FRMD4A: variants seen among roughly 807,000 people sequenced by gnomAD.
FRMD4A encodes the protein FERM domain-containing protein 4A.
In FRMD4A, 29 loss-of-function variants were observed where a neutral mutation model predicts 129.1. The observed-to-expected ratio is 0.22, with a 90% confidence interval of 0.17 to 0.31. FRMD4A has a LOEUF of 0.31. Ranked by LOEUF, FRMD4A falls within the 10% of genes least tolerant of loss-of-function variation. FRMD4A has a pLI of 1.00. For missense variants in FRMD4A, 1,272 were observed against 1,375.8 expected (o/e 0.92, Z 1.19); for synonymous variants, 634 against 571.6 (o/e 1.11, Z -1.56).
At chr10:14,253,532 T>A (rs1473142016) in intron 2 of FRMD4A, among the ~76,000 whole-genome samples, 1 of 152,220 alleles carries the variant, frequency 6.6e-6, no homozygotes, top group Non-Finnish European at 1.5e-5. Context: ...GGACAGATCG[T>A]TATAGCTTTA....
chr10:14,304,062 C>CT (rs761748841), intron 2 of FRMD4A, among the ~76,000 whole-genome samples: 19 of 152,266 alleles, frequency 1.2e-4, no homozygotes, highest in Non-Finnish European at 2.1e-4. Context: ...TTGCTTCTGC[C>CT]TTTTGGCCAC....
intron 6 of FRMD4A, among the ~76,000 whole-genome samples, chr10:13,773,398 C>G (rs76655334): frequency 0.014 from 2,202 of 152,300 alleles, 28 homozygotes; most frequent in South Asian, 0.041. Context: ...TTGGATGATA[C>G]TGATGGTGCA....
At chr10:13,763,276 C>T (rs151306578) in intron 6 of FRMD4A, among the ~76,000 whole-genome samples, 32 of 152,260 alleles carry the variant, frequency 2.1e-4, no homozygotes, top group African/African-American at 6.7e-4. Context: ...TGCTTGACAA[C>T]AAAATGCATT....
intron 12 of FRMD4A, among the ~76,000 whole-genome samples, chr10:13,718,663 C>T (rs187347484): frequency 6.6e-6 from 1 of 152,222 alleles, no homozygotes; most frequent in Non-Finnish European, 1.5e-5. Flanking sequence ...CTTGGGGAAA[C>T]TGAATTGTGG....
intron 3 of FRMD4A, among the ~76,000 whole-genome samples, chr10:13,813,507 G>A (rs2093484492): frequency 7.9e-5 from 12 of 152,206 alleles, no homozygotes; most frequent in Admixed American, 6.5e-4. Flanking sequence ...ATCGTGGTAA[G>A]CTCATTGGAA....
chr10:13,843,365 T>C (rs565606571), intron 3 of FRMD4A, among the ~76,000 whole-genome samples: 2 of 152,224 alleles, frequency 1.3e-5, no homozygotes, highest in African/African-American at 4.8e-5. Context: ...TGAGTGTGAG[T>C]GACTGCTTCA....
At position 13,670,483 on chromosome 10, in the gene FRMD4A, C is replaced by T; in HGVS notation, c.1297G>A (p.Glu433Lys). Reference sequence around the variant, plus strand: ...CTTCTCCGAACAATGGGTGGTTCCTCCCCTGGATCCAGGGGATATTCTACT... The same window carrying T: ...CTTCTCCGAACAATGGGTGGTTCCTTCCCTGGATCCAGGGGATATTCTACT... ...LPVEYPLDPGEEPPIVRRRIG... is the reference protein window; with the variant it reads ...LPVEYPLDPGKEPPIVRRRIG... The change falls in exon 17 of 25, where the codon GAG (glutamate) becomes AAG (lysine). Residue 433 changes from glutamate (E) to lysine (K), a missense_variant. This residue lies in a region of FRMD4A where 972 missense variants were observed against 892.3 expected (regional missense o/e 1.09). Transcript: ENST00000357447. The T allele has an allele frequency of 6.2e-7, 1 of 1,613,320 alleles. No homozygotes were observed. Among genetic ancestry groups the T allele is most frequent in the Non-Finnish European group, 8.5e-7 (1 of 1,179,460 alleles).
chr10:14,256,667 T>C (rs1012848014), intron 2 of FRMD4A, among the ~76,000 whole-genome samples: 1 of 152,156 alleles, frequency 6.6e-6, no homozygotes, highest in African/African-American at 2.4e-5. Flanking sequence ...AGAGAAATTA[T>C]TCCACAAACG....
intron 12 of FRMD4A, among the ~76,000 whole-genome samples, chr10:13,717,615 AAT>A (rs1491366174): frequency 1.7e-4 from 7 of 41,964 alleles, no homozygotes; most frequent in East Asian, 7.7e-4. Flanking sequence ...CACCCGGCTA[AAT>A]TTTTTTTTTT....
At chr10:13,655,261 T>C (rs2082041855) in intron 22 of FRMD4A, 1 of 152,198 alleles carries the variant, frequency 6.6e-6, no homozygotes, top group African/African-American at 2.4e-5. Context: ...TTCCAAAAGA[T>C]CTACCTCATC....
intron 2 of FRMD4A, among the ~76,000 whole-genome samples, chr10:14,009,003 G>A (rs140880816): frequency 1.3e-5 from 2 of 152,264 alleles, no homozygotes; most frequent in African/African-American, 4.8e-5. Flanking sequence ...TTAAATGTTT[G>A]TGTTATAGAA....
intron 12 of FRMD4A, among the ~76,000 whole-genome samples, chr10:13,725,700 AG>A (rs1192487165): frequency 6.6e-6 from 1 of 152,202 alleles, no homozygotes; most frequent in East Asian, 1.9e-4. Flanking sequence ...GTGGGAACCG[AG>A]GAACCCTGGC....
intron 2 of FRMD4A, among the ~76,000 whole-genome samples, chr10:14,300,698 A>C (rs1247302360): frequency 6.6e-6 from 1 of 152,246 alleles, no homozygotes; most frequent in Admixed American, 6.5e-5. Context: ...AATGTTTATG[A>C]TGTTGTGAAA....
intron 4 of FRMD4A, among the ~76,000 whole-genome samples, chr10:13,809,645 G>T (rs2093413242): frequency 6.6e-6 from 1 of 152,098 alleles, no homozygotes; most frequent in Non-Finnish European, 1.5e-5. Context: ...CCAGTTCCCT[G>T]CAGGCTCCAG....
chr10:13,723,651 C>G (rs1378044449), intron 12 of FRMD4A, among the ~76,000 whole-genome samples: 1 of 152,202 alleles, frequency 6.6e-6, no homozygotes, highest in Non-Finnish European at 1.5e-5. Flanking sequence ...GAAAATCCCT[C>G]ACCCACAATT....
At chr10:13,711,460 C>G (rs2088011778) in intron 12 of FRMD4A, among the ~76,000 whole-genome samples, 1 of 152,232 alleles carries the variant, frequency 6.6e-6, no homozygotes, top group Non-Finnish European at 1.5e-5. Flanking sequence ...TGGCTCAGTG[C>G]AGCCGTCATA....
chr10:14,009,554 G>C (rs1045676744), intron 2 of FRMD4A, among the ~76,000 whole-genome samples: 12 of 152,216 alleles, frequency 7.9e-5, no homozygotes, highest in African/African-American at 2.7e-4. Flanking sequence ...ATAGGAAATG[G>C]GGGTGGGGTG....
At position 13,669,689 on chromosome 10, in the gene FRMD4A, T is replaced by C. The variant is rs546739630; in HGVS notation, c.1374+717A>G. On this transcript the variant is annotated intron_variant, in intron 17 of 24. Coordinates refer to ENST00000357447, the MANE Select transcript of FRMD4A (RefSeq NM_018027.5). ...GAAAGCATTTCCTGGGCAGGAGCCC[T>C]GGGCCTGAGGGTATACCTGGCCTTT... Among the ~76,000 whole-genome samples, 6 of 152,356 alleles carry C rather than the reference T, an allele frequency of 3.9e-5. No homozygotes were observed. In the East Asian group the frequency reaches 1.2e-3, roughly 29 times the overall value.
chr10:13,745,691 G>A (rs7921755), intron 9 of FRMD4A, among the ~76,000 whole-genome samples: 80,478 of 151,990 alleles, frequency 0.53, 22,274 homozygotes, highest in Non-Finnish European at 0.61. Flanking sequence ...GAGCATAGCA[G>A]TGTTCTAAGG....
Sources: gnomAD v4.1 joint callset for allele counts (sites outside exome capture counted in the v4.1 genomes callset) on GRCh38, gnomAD v4.1.1 for gene constraint, gnomAD v4.1.1 regional missense constraint, MANE v1.5 for transcripts, NCBI Gene and HGNC (gene_info 2026-07-23, HGNC 2026-07-21) for gene names.